Variants in NSUN7 observed in about 807,000 individuals in gnomAD.
NSUN7 encodes NOP2/Sun RNA methyltransferase family member 7, also known as protein NSUN7.
A neutral mutation model predicts 58.5 loss-of-function variants in NSUN7; 39 were observed. The observed-to-expected ratio is 0.67, with a 90% CI of 0.52 to 0.87. NSUN7 has a LOEUF of 0.87. Ranked by LOEUF, NSUN7 falls within the 40% of genes least tolerant of loss-of-function variation. The pLI is 0.00. For missense variants in NSUN7, 765 were observed against 844.1 expected (o/e 0.91, Z 1.16); for synonymous variants, 278 against 303.7 (o/e 0.92, Z 0.88).
At chr4:40,799,172 GC>G (rs1422255881) in intron 10 of NSUN7, among the ~76,000 whole-genome samples, 1 of 129,008 alleles carries the variant, frequency 7.8e-6, no homozygotes, top group East Asian at 2.6e-4. Context: ...TACAAACTCC[GC>G]CTCCCAGGTT....
At chr4:40,776,710 G>C (rs1025298612) in intron 7 of NSUN7, among the ~76,000 whole-genome samples, 1 of 151,908 alleles carries the variant, frequency 6.6e-6, no homozygotes, top group African/African-American at 2.4e-5. Context: ...CTACCTCCTG[G>C]GCTCAAGAGG....
intron 3 of NSUN7, 152 bp downstream of exon 3, chr4:40,760,644 T>A (rs1263665712): frequency 1.8e-6 from 1 of 565,800 alleles, no homozygotes; most frequent in African/African-American, 2.0e-5. Context: ...GGGCGGATCA[T>A]CTGAGGTCGG....
chr4:40,795,605 A>G (rs1206277886), intron 9 of NSUN7, among the ~76,000 whole-genome samples: 1 of 152,220 alleles, frequency 6.6e-6, no homozygotes, highest in Non-Finnish European at 1.5e-5. Flanking sequence ...TCTTGAGATT[A>G]TGGCAGTTTA....
At chr4:40,766,915 G>A (rs1445377868) in intron 4 of NSUN7, among the ~76,000 whole-genome samples, 3 of 150,082 alleles carry the variant, frequency 2.0e-5, no homozygotes, top group Non-Finnish European at 3.0e-5. Flanking sequence ...ATTTCTGTGG[G>A]ATCGGTGGTG....
chr4:40,791,190 T>A (rs1311843020), intron 8 of NSUN7, among the ~76,000 whole-genome samples: 1 of 152,210 alleles, frequency 6.6e-6, no homozygotes. Context: ...TCTAATTAAA[T>A]CATTATCAGA....
At chr4:40,751,910 C>T (rs1462579083) in intron 2 of NSUN7, among the ~76,000 whole-genome samples, 1 of 152,076 alleles carries the variant, frequency 6.6e-6, no homozygotes, top group Non-Finnish European at 1.5e-5. Flanking sequence ...GCGGGAGGAT[C>T]GCTTGAGCCT....
chr4:40,756,508 A>G (rs10029833), intron 2 of NSUN7, among the ~76,000 whole-genome samples: 20,129 of 152,188 alleles, frequency 0.13, 1,508 homozygotes, highest in Non-Finnish European at 0.16. Context: ...TAAATTAGGC[A>G]TTATCGGTGT....
In NSUN7 at chr4:40,790,587, G is replaced by A. The variant is rs1560559964; in HGVS notation, c.1037-15G>A. ...ATTAATATTTTACATTAAATTTTCT[G>A]TGTTTTTTCCCCAGATATTGAAATA... On this transcript the variant is annotated splice_polypyrimidine_tract_variant and intron_variant, in intron 7 of 11. Coordinates refer to ENST00000381782, the MANE Select transcript of NSUN7 (RefSeq NM_024677.6). 6.9e-7 allele frequency: 1 copy of A among 1,445,850 alleles called. No individual in the cohort carries two copies. The highest frequency in any genetic ancestry group is 9.5e-7 in the Non-Finnish European group (1 of 1,050,098). The allele number at this position is 1,445,850 out of a possible 1,614,324, so 89.6% of individuals were successfully genotyped here.
At chr4:40,783,155 A>G (rs1233339946) in intron 7 of NSUN7, among the ~76,000 whole-genome samples, 2 of 152,246 alleles carry the variant, frequency 1.3e-5, no homozygotes, top group Non-Finnish European at 2.9e-5. Context: ...GTGTGATGCT[A>G]GCGTAAGGGT....
intron 7 of NSUN7, among the ~76,000 whole-genome samples, chr4:40,781,593 G>A (rs537217755): frequency 5.9e-5 from 9 of 152,018 alleles, no homozygotes; most frequent in Non-Finnish European, 1.3e-4. Context: ...CTACAGGCAT[G>A]TGCCACCACA....
intron 7 of NSUN7, among the ~76,000 whole-genome samples, chr4:40,783,489 A>AG (rs1553918810): frequency 6.6e-6 from 1 of 151,730 alleles, no homozygotes; most frequent in Non-Finnish European, 1.5e-5. Flanking sequence ...AGCAACAAGA[A>AG]AAAATCGATA....
chr4:40,792,478 G>A (rs1000577276), intron 8 of NSUN7, among the ~76,000 whole-genome samples: 4 of 152,220 alleles, frequency 2.6e-5, no homozygotes, highest in Non-Finnish European at 4.4e-5. Context: ...CTGGCCGGGA[G>A]CGGTGGCTCA....
chr4:40,773,221 C>T (rs1464969048), intron 4 of NSUN7: 2 of 152,152 alleles, frequency 1.3e-5, no homozygotes, highest in Non-Finnish European at 2.9e-5. Context: ...GATTGATAAT[C>T]ACTACATTAA....
intron 2 of NSUN7, among the ~76,000 whole-genome samples, chr4:40,758,056 G>T (rs553029318): frequency 1.3e-5 from 2 of 152,114 alleles, no homozygotes; most frequent in East Asian, 3.9e-4. Context: ...AAGTAGGTGG[G>T]ATTAGAGGTG....
intron 2 of NSUN7, among the ~76,000 whole-genome samples, chr4:40,752,093 T>C (rs763482454): frequency 2.0e-4 from 31 of 152,252 alleles, no homozygotes; most frequent in Non-Finnish European, 5.9e-5. Context: ...AAAAACTTTA[T>C]GTTGGTTTGT....
At chr4:40,760,289 T>C (rs561023472) in intron 2 of NSUN7, 145 bp from the exon 3 acceptor site, 1 of 660,376 alleles carries the variant, frequency 1.5e-6, no homozygotes, top group Admixed American at 3.1e-5. Context: ...CATGTCACTG[T>C]AATTTAAGTC....
At chr4:40,777,379 C>T (rs61030873) in intron 7 of NSUN7, among the ~76,000 whole-genome samples, 2,339 of 152,022 alleles carry the variant, frequency 0.015, 59 homozygotes, top group African/African-American at 0.052. Context: ...GTTGCCCAGG[C>T]GGGAGTGCAG....
chr4:40,772,631 T>C (rs1742066055), intron 4 of NSUN7, among the ~76,000 whole-genome samples: 2 of 152,174 alleles, frequency 1.3e-5, no homozygotes, highest in African/African-American at 4.8e-5. Flanking sequence ...AGATAAGAAA[T>C]GTAGAATAAG....
intron 2 of NSUN7, among the ~76,000 whole-genome samples, chr4:40,756,546 T>C (rs1478892149): frequency 6.6e-6 from 1 of 152,180 alleles, no homozygotes; most frequent in African/African-American, 2.4e-5. Context: ...TGGTTTGTCA[T>C]GAGAATAATA....
Sources: gnomAD v4.1 joint callset for allele counts (sites outside exome capture counted in the v4.1 genomes callset) on GRCh38, gnomAD v4.1.1 for gene constraint, MANE v1.5 for transcripts, NCBI Gene and HGNC (gene_info 2026-07-23, HGNC 2026-07-21) for gene names.